The following ASPM variants were observed in gnomAD, a reference collection of about 807,000 sequenced individuals.
The protein encoded by ASPM is assembly factor for spindle microtubules.
Under a neutral mutation model 366.4 loss-of-function variants are expected in ASPM, and 256 were observed. The ratio of observed to expected loss-of-function variants is 0.70; its 90% confidence interval spans 0.63 to 0.77. ASPM has a LOEUF of 0.77. ASPM is among the 30% of genes least tolerant of loss of function. The pLI is 0.00. For synonymous variants in ASPM, 1,414 were observed against 1,342.9 expected (o/e 1.05, Z -1.16); for missense variants, 4,146 against 4,090.4 (o/e 1.01, Z -0.37).
chr1:197,110,377 T>C (rs948537445), intron 17 of ASPM, among the ~76,000 whole-genome samples: 7 of 152,012 alleles, frequency 4.6e-5, no homozygotes, highest in African/African-American at 1.7e-4. Context: ...ATAAAAAAAG[T>C]GAACATTGAC....
chr1:197,117,325 C>T (rs1445618681), intron 17 of ASPM, among the ~76,000 whole-genome samples: 4 of 151,304 alleles, frequency 2.6e-5, no homozygotes, highest in Non-Finnish European at 4.4e-5. Flanking sequence ...ATATTTTTTC[C>T]TAAAAAGAAA....
At position 197,132,372 on chromosome 1, in the gene ASPM, C is replaced by T. The variant is rs191404122; in HGVS notation, c.2420-20G>A. ...GTTCTCCTGAAATGCATGTCAAAGG[C>T]AAATAAGTTCAAATTGATAATCAAA... On this transcript the variant is annotated intron_variant, in intron 6 of 27. Transcript: ENST00000367409. The T allele has an allele frequency of 1.8e-4, 293 of 1,600,162 alleles. 1 individual carries two copies. The African/African-American group carries it at 3.0e-3, about 17-fold the overall frequency.
chr1:197,127,510 G>A (rs1270700639), intron 10 of ASPM, among the ~76,000 whole-genome samples: 1 of 152,096 alleles, frequency 6.6e-6, no homozygotes, highest in Non-Finnish European at 1.5e-5. Context: ...GACCCCAAAA[G>A]TGCTTCCTTG....
chr1:197,122,671 T>C, intron 13 of ASPM, 76 bp from the exon 14 acceptor site: 1 of 1,355,612 alleles, frequency 7.4e-7, no homozygotes, highest in Non-Finnish European at 1.0e-6. Context: ...AGAATACCTG[T>C]GAATAATAAA....
chr1:197,093,559 T>A (rs1656858586), intron 20 of ASPM, among the ~76,000 whole-genome samples: 2 of 151,798 alleles, frequency 1.3e-5, no homozygotes, highest in Admixed American at 1.3e-4. Flanking sequence ...ACAGGACAAA[T>A]ACATTTAATA....
chr1:197,124,789 T>A (rs1309630430), intron 12 of ASPM, 81 bp downstream of exon 12: 1 of 1,160,334 alleles, frequency 8.6e-7, no homozygotes, highest in African/African-American at 1.5e-5. Flanking sequence ...GTTGTTGTTA[T>A]TCTTTATTAG....
intron 16 of ASPM, among the ~76,000 whole-genome samples, chr1:197,120,649 T>G (rs563620158): frequency 8.9e-4 from 135 of 152,202 alleles, no homozygotes; most frequent in Non-Finnish European, 1.6e-3. Flanking sequence ...ATACAATGGG[T>G]GAATCAAATA....
At chr1:197,139,732 T>G (rs760848680) in intron 4 of ASPM, 35 bp downstream of exon 4, 2 of 1,446,460 alleles carry the variant, frequency 1.4e-6, no homozygotes, top group Non-Finnish European at 1.9e-6. Context: ...TTCGATGTCA[T>G]GTTTTCAGAG....
At chr1:197,087,093 G>C (rs1301995619) in intron 26 of ASPM, 121 bp from the exon 27 acceptor site, 1 of 909,384 alleles carries the variant, frequency 1.1e-6, no homozygotes, top group Non-Finnish European at 1.6e-6. Context: ...TCTTTTTTGA[G>C]ATGGTCTCTC....
chr1:197,084,243 G>T lies in ASPM; in HGVS notation c.*81C>A. On this transcript the variant is annotated 3_prime_UTR_variant, in exon 28 of 28. Coordinates refer to ENST00000367409, the MANE Select transcript of ASPM (RefSeq NM_018136.5). ...AAGTCAGATTTTAAAAGTTGTACAC[G>T]GAGAGCAAAAATCACTTTACGTACT... 9.7e-7 allele frequency: 1 copy of T among 1,030,132 alleles called. No individual in the cohort carries two copies. The highest frequency in any genetic ancestry group is 1.3e-5 in the South Asian group (1 of 75,880). The allele number at this position is 1,030,132 out of a possible 1,614,324, so 63.8% of individuals were successfully genotyped here.
chr1:197,132,370 G>C lies in ASPM; in HGVS notation c.2420-18C>G. ...ACGTTCTCCTGAAATGCATGTCAAA[G>C]GCAAATAAGTTCAAATTGATAATCA... On this transcript the variant is annotated intron_variant, in intron 6 of 27. Coordinates refer to ENST00000367409, the MANE Select transcript of ASPM (RefSeq NM_018136.5). The C allele has an allele frequency of 1.2e-6, 2 of 1,608,336 alleles. No homozygotes were observed. Among genetic ancestry groups the C allele is most frequent in the Non-Finnish European group, 1.7e-6 (2 of 1,175,296 alleles).
intron 10 of ASPM, 56 bp downstream of exon 10, chr1:197,128,434 T>C: frequency 1.3e-6 from 2 of 1,523,310 alleles, no homozygotes; most frequent in Non-Finnish European, 1.8e-6. Context: ...AAAAGTGTTT[T>C]CCAGAAAATG....
intron 18 of ASPM, among the ~76,000 whole-genome samples, chr1:197,097,008 G>A (rs1656993983): frequency 6.6e-6 from 1 of 151,704 alleles, no homozygotes; most frequent in Admixed American, 6.6e-5. Context: ...CATCCCTACA[G>A]GAAGAGGAAT....
intron 3 of ASPM, 39 bp from the exon 4 acceptor site, chr1:197,139,910 T>C (rs1406565265): frequency 1.1e-5 from 15 of 1,422,468 alleles, no homozygotes; most frequent in African/African-American, 5.6e-5. Flanking sequence ...AGCATTAAAA[T>C]ACAAATTCCC....
At position 197,103,878 on chromosome 1, in the gene ASPM, C is replaced by A; in HGVS notation, c.5373G>T (p.Gln1791His). 1 of 1,612,842 alleles carries A rather than the reference C, an allele frequency of 6.2e-7. No individual in the cohort carries two copies. Among genetic ancestry groups the A allele is most frequent in the South Asian group, 1.1e-5 (1 of 91,064 alleles). The stretch of plus-strand genomic sequence containing the variant: ...GCAAGAAGTTCTTCCTCTGATTGAC[C>A]TGTGCTTTGTATGCATGATAGTAAT... Reference protein sequence around the residue: ...IQNYYHAYKAQVNQRKNFLQV... With the variant: ...IQNYYHAYKAHVNQRKNFLQV... The change falls in exon 18 of 28, where the codon CAG becomes CAT. Residue 1791 changes from glutamine (Q) to histidine (H), a missense_variant. This residue lies in a region of ASPM where 3,624 missense variants were observed against 3,591.7 expected (regional missense o/e 1.01). Transcript: ENST00000367409.
chr1:197,137,513 G>A (rs1293392369), intron 4 of ASPM, among the ~76,000 whole-genome samples: 5 of 152,076 alleles, frequency 3.3e-5, no homozygotes, highest in South Asian at 2.1e-4. Flanking sequence ...GACTCATAGC[G>A]CTCTGTCACT....
At chr1:197,140,524 A>G (rs1658549197) in intron 3 of ASPM, among the ~76,000 whole-genome samples, 1 of 152,244 alleles carries the variant, frequency 6.6e-6, no homozygotes, top group South Asian at 2.1e-4. Flanking sequence ...CACAATGTAT[A>G]TAATTAGGAT....
intron 10 of ASPM, among the ~76,000 whole-genome samples, chr1:197,127,431 T>G (rs7534439): frequency 0.014 from 2,150 of 152,320 alleles, 48 homozygotes; most frequent in African/African-American, 0.046. Flanking sequence ...CTAGCTGTTT[T>G]GAGGCATAGC....
intron 25 of ASPM, 86 bp downstream of exon 25, chr1:197,089,844 G>T: frequency 2.4e-6 from 3 of 1,254,914 alleles, no homozygotes; most frequent in Non-Finnish European, 3.5e-6. Flanking sequence ...AGAGATTTAA[G>T]CCCTAGTGAT....
Sources: allele counts gnomAD v4.1 joint callset (sites outside exome capture counted in the v4.1 genomes callset), GRCh38; gene constraint gnomAD v4.1.1; regional missense constraint gnomAD v4.1.1; transcripts MANE v1.5; gene names NCBI Gene and HGNC (gene_info 2026-07-23, HGNC 2026-07-21).